The following DHRS3 variants were observed in gnomAD, a reference collection of about 807,000 sequenced individuals.
DHRS3 encodes the protein short-chain dehydrogenase/reductase 3.
In DHRS3, 14 loss-of-function variants were observed where a neutral mutation model predicts 27.2. The observed-to-expected ratio is 0.52, with a 90% CI of 0.34 to 0.81. The LOEUF is 0.81. DHRS3 is among the 30% of genes least tolerant of loss of function. DHRS3 has a pLI of 0.01. For synonymous variants in DHRS3, 165 were observed against 175.9 expected, an observed-to-expected ratio of 0.94 and a Z score of 0.49; for missense variants, 322 against 406.2, an observed-to-expected ratio of 0.79 and a Z score of 1.78.
intron 1 of DHRS3, among the ~76,000 whole-genome samples, chr1:12,595,627 A>T (rs1400499666): frequency 2.0e-5 from 3 of 147,086 alleles, no homozygotes; most frequent in East Asian, 4.1e-4. Flanking sequence ...CCGGGAGCAG[A>T]TAGGGAGGGC....
At chr1:12,569,415 A>G (rs1271130338) in intron 5 of DHRS3, among the ~76,000 whole-genome samples, 1 of 152,078 alleles carries the variant, frequency 6.6e-6, no homozygotes, top group Admixed American at 6.6e-5. Flanking sequence ...GTAGGTATAT[A>G]TATTTATGGG....
chr1:12,615,823 G>A (rs557326024), intron 1 of DHRS3, among the ~76,000 whole-genome samples: 19 of 152,274 alleles, frequency 1.2e-4, no homozygotes, highest in African/African-American at 4.1e-4. Flanking sequence ...CCCCTTATTC[G>A]TTGTGTCCAA....
Position 12,610,621 on chromosome 1 carries a change from C to T in DHRS3, c.195+6533G>A, listed in dbSNP as rs35555158. 1.9e-3 allele frequency among the ~76,000 whole-genome samples: 284 copies of T among 152,290 alleles called. 1 individual carries two copies. The highest frequency in any genetic ancestry group is 3.4e-3 in the Non-Finnish European group (231 of 68,032). The stretch of plus-strand genomic sequence containing the variant: ...GGCACTTTCTTGTTGAGAATCTAGG[C>T]ATGTGCTCATTTTCAGATTCTAAGA... On this transcript the variant is annotated intron_variant, in intron 1 of 5. Transcript: ENST00000616661.
Position 12,568,340 on chromosome 1 carries a change from CT to C in DHRS3, c.908del (p.Ter303=). 6.2e-7 allele frequency: 1 copy of C among 1,613,632 alleles called. No individual in the cohort carries two copies. The highest frequency in any genetic ancestry group is 1.1e-5 in the South Asian group (1 of 91,082). ...TCMNTFKGRT[*>X] is the part of the protein sequence containing the mutation. ...CCTCAAGCATGTCTTCATCCTGTCT[CT>C]ATGTCCGCCCTTTGAAAGTGTTCAT... On this transcript the variant is annotated frameshift_variant and stop_lost, in exon 6 of 6. Transcript: ENST00000616661. LOFTEE classifies it high-confidence loss of function.
chr1:12,577,676 T>C (rs1295738544), intron 4 of DHRS3, among the ~76,000 whole-genome samples: 1 of 151,932 alleles, frequency 6.6e-6, no homozygotes, highest in African/African-American at 2.4e-5. Context: ...AATACAAAAA[T>C]TAGCTGGGTG....
chr1:12,585,406 T>A (rs1184335625), intron 1 of DHRS3, among the ~76,000 whole-genome samples: 2 of 143,772 alleles, frequency 1.4e-5, no homozygotes, highest in African/African-American at 5.1e-5. Context: ...TGTGTGTGTG[T>A]GAGTGAGTGT....
intron 4 of DHRS3, among the ~76,000 whole-genome samples, chr1:12,576,189 T>C (rs192116847): frequency 4.6e-5 from 7 of 152,268 alleles, no homozygotes; most frequent in Middle Eastern, 3.4e-3. Context: ...AAAGAAGCTA[T>C]GCTAGAAGGT....
At chr1:12,584,014 T>C (rs1381047265) in intron 1 of DHRS3, among the ~76,000 whole-genome samples, 1 of 137,878 alleles carries the variant, frequency 7.3e-6, no homozygotes, top group Non-Finnish European at 1.5e-5. Context: ...AAGGGGTAGG[T>C]AATCATTGGT....
chr1:12,568,390 TGTGGATCTCCTCGA>T lies in DHRS3; in HGVS notation c.845_858del (p.Leu282GlnfsTer21). 6.2e-7 allele frequency: 1 copy of T among 1,613,910 alleles called. No individual in the cohort carries two copies. The highest frequency in any genetic ancestry group is 8.5e-7 in the Non-Finnish European group (1 of 1,179,810). On this transcript the variant is annotated frameshift_variant, in exon 6 of 6. Coordinates refer to ENST00000616661, the MANE Select transcript of DHRS3 (RefSeq NM_004753.7). LOFTEE classifies it high-confidence loss of function. ...ATGCAGGTGTAGGTTCCTGAGAATT[TGTGGATCTCCTCGA>T]GTGCAGCCTGTGGAAGTATGCTGGA...
At position 12,591,838 on chromosome 1, in the gene DHRS3, T is replaced by C. The variant is rs1646749388; in HGVS notation, c.196-11172A>G. Among the ~76,000 whole-genome samples, 1 of 152,218 alleles carries C rather than the reference T, an allele frequency of 6.6e-6. No individual in the cohort carries two copies. The highest frequency in any genetic ancestry group is 2.4e-5 in the African/African-American group (1 of 41,450). ...CATTCAGTGCACAGGTACAGTGAGCTGATGCCATGTCCAAGGACTGGACAG... is the reference window on the plus strand; with the variant it reads ...CATTCAGTGCACAGGTACAGTGAGCCGATGCCATGTCCAAGGACTGGACAG... On this transcript the variant is annotated intron_variant, in intron 1 of 5. Coordinates refer to ENST00000616661, the MANE Select transcript of DHRS3 (RefSeq NM_004753.7). This position sits in a 1 kb window ranked among gnomAD's most constrained non-coding sequence, Gnocchi z 4.1.
intron 1 of DHRS3, among the ~76,000 whole-genome samples, chr1:12,581,971 G>T (rs1465770492): frequency 2.0e-5 from 3 of 152,178 alleles, no homozygotes; most frequent in Non-Finnish European, 2.9e-5. Context: ...ACCCCAACGC[G>T]TGAAACCTAG....
chr1:12,603,409 C>A (rs1646848420), intron 1 of DHRS3, among the ~76,000 whole-genome samples: 1 of 152,174 alleles, frequency 6.6e-6, no homozygotes, highest in Admixed American at 6.5e-5. Flanking sequence ...AAAATGCACA[C>A]CAAAATCTTA....
At chr1:12,584,760 C>A (rs1646677518) in intron 1 of DHRS3, among the ~76,000 whole-genome samples, 1 of 152,206 alleles carries the variant, frequency 6.6e-6, no homozygotes, top group Non-Finnish European at 1.5e-5. Flanking sequence ...TTTCACAGGG[C>A]AAGGCTTCGG....
intron 1 of DHRS3, among the ~76,000 whole-genome samples, chr1:12,614,063 T>G (rs2100729774): frequency 6.6e-6 from 1 of 152,156 alleles, no homozygotes; most frequent in East Asian, 1.9e-4. Context: ...GAGCCACTGC[T>G]CCCAGCCAAG....
At chr1:12,604,513 G>GC (rs1297809728) in intron 1 of DHRS3, among the ~76,000 whole-genome samples, 14 of 152,144 alleles carry the variant, frequency 9.2e-5, no homozygotes, top group African/African-American at 2.9e-4. Flanking sequence ...CTACATCCCT[G>GC]CCCGCATCCT....
intron 5 of DHRS3, among the ~76,000 whole-genome samples, 188 bp from the exon 6 acceptor site, chr1:12,568,612 G>A: frequency 6.6e-6 from 1 of 152,146 alleles, no homozygotes; most frequent in Non-Finnish European, 1.5e-5. Flanking sequence ...TTTCAAATAA[G>A]TGGATAAGCA....
intron 1 of DHRS3, among the ~76,000 whole-genome samples, chr1:12,595,033 T>C (rs959015499): frequency 6.6e-6 from 1 of 152,080 alleles, no homozygotes; most frequent in African/African-American, 2.4e-5. Flanking sequence ...GCCCCAGGTG[T>C]GCAGGAAGAG....
chr1:12,575,332 A>G (rs1646576492), intron 4 of DHRS3, among the ~76,000 whole-genome samples: 1 of 123,586 alleles, frequency 8.1e-6, no homozygotes, highest in African/African-American at 3.6e-5. Context: ...GTATCAAAAG[A>G]AAAAAAAAAA....
intron 5 of DHRS3, 111 bp downstream of exon 5, chr1:12,572,617 A>G (rs1646547686): frequency 7.3e-6 from 11 of 1,497,886 alleles, no homozygotes; most frequent in South Asian, 2.5e-5. Context: ...AGTACAGTAC[A>G]TCAGCAGCAA....
Sources: gnomAD v4.1 joint callset for allele counts (sites outside exome capture counted in the v4.1 genomes callset) on GRCh38, gnomAD v4.1.1 for gene constraint, Gnocchi (gnomAD v3.1) non-coding constraint, MANE v1.5 for transcripts, NCBI Gene and HGNC (gene_info 2026-07-23, HGNC 2026-07-21) for gene names.